The following DTNA variants were observed in gnomAD, a reference collection of about 807,000 sequenced individuals.
The protein encoded by DTNA is dystrophin-related protein 3.
A neutral mutation model predicts 100.7 loss-of-function variants in DTNA; 43 were observed. The ratio of observed to expected loss-of-function variants is 0.43; its 90% CI spans 0.33 to 0.55. The LOEUF is 0.55. Among genes scored for constraint, DTNA ranks in the 20% least tolerant of loss-of-function variants. The pLI, the probability that DTNA is intolerant of heterozygous loss-of-function variation, is 0.04. For synonymous variants in DTNA, 349 were observed against 347.9 expected, an observed-to-expected ratio of 1.00 and a Z score of -0.04; for missense variants, 798 against 953.9, an observed-to-expected ratio of 0.84 and a Z score of 2.15.
In DTNA at chr18:34,882,430, G is replaced by A. The variant is rs567703101; in HGVS notation, c.2295+229G>A. Among the ~76,000 whole-genome samples, 12 of 152,086 alleles carry A rather than the reference G, an allele frequency of 7.9e-5. No homozygotes were observed. In the South Asian group the frequency reaches 2.5e-3, roughly 32 times the overall value. ...GTTGCCTAGGCTGGAGTGCAGTGGT[G>A]TGATCTTGGCTCACTGCAACCTCCG... On this transcript the variant is annotated intron_variant, in intron 21 of 22. Coordinates refer to ENST00000444659, the MANE Select transcript of DTNA (RefSeq NM_001386795.1).
At chr18:34,712,852 AAC>A (rs900557433) in intron 1 of DTNA, among the ~76,000 whole-genome samples, 2 of 152,160 alleles carry the variant, frequency 1.3e-5, no homozygotes, top group African/African-American at 2.4e-5. Flanking sequence ...ACAGATATTT[AAC>A]AGTTTTTTAA....
intron 1 of DTNA, among the ~76,000 whole-genome samples, chr18:34,666,065 C>T (rs1418931369): frequency 6.6e-6 from 1 of 152,190 alleles, no homozygotes; most frequent in Non-Finnish European, 1.5e-5. Context: ...CCTATTTCTC[C>T]ACATCCTCTC....
chr18:34,755,042 A>G (rs1384322971), intron 1 of DTNA, among the ~76,000 whole-genome samples: 2 of 152,354 alleles, frequency 1.3e-5, no homozygotes, highest in African/African-American at 2.4e-5. Flanking sequence ...TTTGTTAACT[A>G]TGCCTGAGAA....
intron 1 of DTNA, among the ~76,000 whole-genome samples, chr18:34,577,805 A>G (rs968218756): frequency 6.7e-6 from 1 of 148,958 alleles, no homozygotes; most frequent in Non-Finnish European, 1.5e-5. Context: ...CATTGTGTGT[A>G]TATGTATAAT....
intron 1 of DTNA, among the ~76,000 whole-genome samples, chr18:34,564,552 G>T (rs899011327): frequency 6.6e-6 from 1 of 152,164 alleles, no homozygotes; most frequent in Non-Finnish European, 1.5e-5. Context: ...TAAATACAAA[G>T]CCCTTTTCAT....
chr18:34,688,799 CT>C (rs1275278433), intron 1 of DTNA, among the ~76,000 whole-genome samples: 1 of 152,162 alleles, frequency 6.6e-6, no homozygotes, highest in African/African-American at 2.4e-5. Flanking sequence ...TAGATTTTGT[CT>C]TTTCACCTAG....
At chr18:34,580,376 AT>A (rs1351727745) in intron 1 of DTNA, among the ~76,000 whole-genome samples, 4 of 151,962 alleles carry the variant, frequency 2.6e-5, no homozygotes, top group African/African-American at 9.7e-5. Flanking sequence ...GTGTTTTATA[AT>A]TGTTTATTGT....
intron 2 of DTNA, among the ~76,000 whole-genome samples, chr18:34,761,848 G>A (rs2148393033): frequency 6.6e-6 from 1 of 152,184 alleles, no homozygotes; most frequent in African/African-American, 2.4e-5. Context: ...ACTTAGATCA[G>A]TTGAATCACC....
At chr18:34,835,117 C>T (rs2149669203) in intron 11 of DTNA, among the ~76,000 whole-genome samples, 1 of 152,230 alleles carries the variant, frequency 6.6e-6, no homozygotes, top group East Asian at 1.9e-4. Flanking sequence ...TGTACATAGT[C>T]ATATTTTTGG....
intron 1 of DTNA, among the ~76,000 whole-genome samples, chr18:34,539,658 A>G (rs1351724866): frequency 1.3e-5 from 2 of 151,896 alleles, no homozygotes; most frequent in African/African-American, 4.8e-5. Flanking sequence ...CTTGACTTCT[A>G]AGTTACCAGC....
At chr18:34,593,783 A>G (rs938294615) in intron 1 of DTNA, among the ~76,000 whole-genome samples, 2 of 152,116 alleles carry the variant, frequency 1.3e-5, no homozygotes, top group Admixed American at 6.6e-5. Flanking sequence ...TTTTCCCTCT[A>G]TTCTTCTCTT....
intron 8 of DTNA, among the ~76,000 whole-genome samples, chr18:34,819,690 GA>G: frequency 6.6e-6 from 1 of 152,144 alleles, no homozygotes; most frequent in East Asian, 1.9e-4. Context: ...AGAAGGATCA[GA>G]CTCCTTGAGA....
chr18:34,829,552 A>G, intron 11 of DTNA, 63 bp downstream of exon 11: 2 of 1,401,988 alleles, frequency 1.4e-6, no homozygotes, highest in Non-Finnish European at 1.9e-6. Flanking sequence ...CTGATAAGTC[A>G]TTCTACTCTG....
At chr18:34,798,081 C>A (rs1031754102) in intron 4 of DTNA, among the ~76,000 whole-genome samples, 1 of 152,148 alleles carries the variant, frequency 6.6e-6, no homozygotes, top group South Asian at 2.1e-4. Flanking sequence ...CTCACTGCAG[C>A]CTTCGCCTCC....
At chr18:34,497,957 A>G (rs944439142) in intron 1 of DTNA, among the ~76,000 whole-genome samples, 1 of 152,206 alleles carries the variant, frequency 6.6e-6, no homozygotes, top group Non-Finnish European at 1.5e-5. Context: ...TATCTTTAAC[A>G]GCTAAAGGTT....
In DTNA at chr18:34,834,234, G is replaced by A. The variant is rs183131616; in HGVS notation, c.1176-3860G>A. Among the ~76,000 whole-genome samples, 248 of 152,156 alleles carry A rather than the reference G, an allele frequency of 1.6e-3. 2 individuals carry two copies. Among genetic ancestry groups the A allele is most frequent in the African/African-American group, 5.6e-3 (234 of 41,522 alleles). ...GTTGAGGCTGGGCACGGTGGCTCAC[G>A]CTTGTAATTCCAGCACTTTGGGAGG... is the stretch of plus-strand genomic sequence containing the variant. On this transcript the variant is annotated intron_variant, in intron 11 of 22. Coordinates refer to ENST00000444659, the MANE Select transcript of DTNA (RefSeq NM_001386795.1).
chr18:34,504,089 C>G (rs2040237809), intron 1 of DTNA: 2 of 151,912 alleles, frequency 1.3e-5, no homozygotes. Flanking sequence ...ATCTCCTGAC[C>G]TCGTGATCTG....
At chr18:34,868,249 A>C (rs1425754504) in intron 17 of DTNA, 2 of 248,162 alleles carry the variant, frequency 8.1e-6, no homozygotes, top group African/African-American at 4.6e-5. Flanking sequence ...TAAAATATGA[A>C]AGAAAGTCTT....
chr18:34,829,140 G>A, intron 10 of DTNA: 4 of 1,613,726 alleles, frequency 2.5e-6, no homozygotes, highest in Non-Finnish European at 2.5e-6. Context: ...GTTCCTCCAG[G>A]GTGCATGGTA....
Sources: allele counts gnomAD v4.1 joint callset (sites outside exome capture counted in the v4.1 genomes callset), GRCh38; gene constraint gnomAD v4.1.1; transcripts MANE v1.5; gene names NCBI Gene and HGNC (gene_info 2026-07-23, HGNC 2026-07-21).